Variants in LCOR observed in about 807,000 individuals in gnomAD.
LCOR encodes the protein ligand dependent nuclear receptor corepressor, also known as ligand-dependent corepressor.
Under a neutral mutation model 64.4 loss-of-function variants are expected in LCOR, and 14 were observed. The ratio of observed to expected loss-of-function variants is 0.22; its 90% CI spans 0.14 to 0.34. LCOR has a LOEUF of 0.34. LCOR is among the 10% of genes least tolerant of loss of function. LCOR has a pLI of 1.00. For synonymous variants in LCOR, 643 were observed against 642.5 expected, an observed-to-expected ratio of 1.00 and a Z score of -0.01; for missense variants, 1,686 against 1,765.3, an observed-to-expected ratio of 0.96 and a Z score of 0.80.
At chr10:96,952,080 G>C in intron 6 of LCOR, 23 bp from the exon 7 acceptor site, 1 of 1,558,750 alleles carries the variant, frequency 6.4e-7, no homozygotes, top group Admixed American at 1.7e-5. Flanking sequence ...AATATCCTCA[G>C]GTGTTTCTTT....
intron 2 of LCOR, among the ~76,000 whole-genome samples, chr10:96,860,628 G>T (rs1845873190): frequency 6.6e-6 from 1 of 152,140 alleles, no homozygotes; most frequent in Non-Finnish European, 1.5e-5. Context: ...ACTATATTTG[G>T]CACATGCTGA....
intron 2 of LCOR, among the ~76,000 whole-genome samples, chr10:96,872,576 T>C (rs1226552991): frequency 6.6e-6 from 1 of 152,104 alleles, no homozygotes; most frequent in Non-Finnish European, 1.5e-5. Context: ...TCCCAGCTAC[T>C]TGGGGGACTG....
Position 96,925,035 on chromosome 10 carries a change from CATTT to C in LCOR, c.-184+17305_-184+17308del, listed in dbSNP as rs996870493. ...CTTTAGTCTAGAATGGTTCCTCAAC[CATTT>C]ATTTATTTATTTATTTTATTTATTT... On this transcript the variant is annotated intron_variant, in intron 4 of 7. Transcript: ENST00000421806. 1.1e-4 allele frequency among the ~76,000 whole-genome samples: 16 copies of C among 151,724 alleles called. No homozygotes were observed. The East Asian group carries it at 1.2e-3, about 11-fold the overall frequency.
intron 2 of LCOR, among the ~76,000 whole-genome samples, chr10:96,888,532 T>TTTTGGTG (rs1441045890): frequency 2.0e-5 from 3 of 152,122 alleles, no homozygotes; most frequent in African/African-American, 7.2e-5. Context: ...TGTAATTTTT[T>TTTTGGTG]TTTGGTGTTA....
chr10:96,834,015 C>T (rs1230368727), intron 2 of LCOR, among the ~76,000 whole-genome samples: 1 of 152,174 alleles, frequency 6.6e-6, no homozygotes, highest in Non-Finnish European at 1.5e-5. Context: ...AGGGTCTGCC[C>T]TTTACAATGT....
At chr10:96,843,355 T>C (rs2134367367) in intron 2 of LCOR, among the ~76,000 whole-genome samples, 1 of 152,140 alleles carries the variant, frequency 6.6e-6, no homozygotes, top group East Asian at 1.9e-4. Context: ...CTTGTCTCGA[T>C]CCCCTGGCCT....
chr10:96,942,407 T>C (rs961469580), intron 4 of LCOR, among the ~76,000 whole-genome samples: 2 of 152,116 alleles, frequency 1.3e-5, no homozygotes, highest in East Asian at 3.8e-4. Context: ...CGTCCAGCTT[T>C]GGCTCGGCAT....
chr10:96,834,680 T>A (rs750329703), intron 2 of LCOR, among the ~76,000 whole-genome samples: 5 of 152,224 alleles, frequency 3.3e-5, no homozygotes, highest in Non-Finnish European at 5.9e-5. Flanking sequence ...CAGGGCTTTT[T>A]AGTCTTTGAA....
intron 2 of LCOR, among the ~76,000 whole-genome samples, chr10:96,885,848 G>C (rs938569923): frequency 2.0e-5 from 3 of 151,944 alleles, no homozygotes; most frequent in East Asian, 1.9e-4. Context: ...TGTTAAAAAG[G>C]GTGCCCCGTT....
rs200536438 is a variant in LCOR at position 96,990,604 on chromosome 10, T to TTGCTG, written c.*5483_*5487dup. 7.7e-3 allele frequency: 1,181 copies of TTGCTG among 152,440 alleles called. 12 individuals are homozygous for TTGCTG. The highest frequency in any genetic ancestry group is 0.017 in the Admixed American group (262 of 15,290). The allele number at this position is 152,440 out of a possible 1,614,324, so 9.4% of individuals were successfully genotyped here. A position where few individuals can be genotyped will look rare whatever the true frequency, so the allele number is the denominator to read the frequency against. ...GCAGAAACTCAGAGCTCTCAGGGCT[T>TTGCTG]TGCTGTGCTGTGCTGTGTCATGCCG... On this transcript the variant is annotated 3_prime_UTR_variant, in exon 8 of 8. Transcript: ENST00000421806.
chr10:96,856,093 C>T lies in LCOR; in HGVS notation c.-330+22614C>T, dbSNP rs181799292. The stretch of plus-strand genomic sequence containing the variant: ...TTATTTATTTAGTTTTTTTTTGAGA[C>T]GGAGTCTCGCTCTGTTGCCCAGGCT... On this transcript the variant is annotated intron_variant, in intron 2 of 7. Coordinates refer to ENST00000421806, the MANE Select transcript of LCOR (RefSeq NM_001346516.2). Among the ~76,000 whole-genome samples the T allele has an allele frequency of 3.4e-3, 509 of 151,002 alleles. 3 individuals are homozygous for T. Among genetic ancestry groups the T allele is most frequent in the African/African-American group, 0.012 (488 of 40,972 alleles).
chr10:96,863,230 G>T (rs1191289839), intron 2 of LCOR, among the ~76,000 whole-genome samples: 1 of 133,792 alleles, frequency 7.5e-6, no homozygotes, highest in African/African-American at 2.9e-5. Flanking sequence ...TTGTGATGGA[G>T]TCTCACTCTG....
At chr10:96,898,936 A>G (rs1204714915) in intron 2 of LCOR, among the ~76,000 whole-genome samples, 1 of 152,198 alleles carries the variant, frequency 6.6e-6, no homozygotes, top group Non-Finnish European at 1.5e-5. Flanking sequence ...TGGAAAAGAG[A>G]GAACAGATTG....
rs1226422744 is a variant in LCOR, at chr10:96,987,902, G to C, written c.*2768G>C. 2 of 152,224 alleles carry C rather than the reference G, an allele frequency of 1.3e-5. No homozygotes were observed. Among genetic ancestry groups the C allele is most frequent in the Non-Finnish European group, 2.9e-5 (2 of 68,064 alleles). The allele number at this position is 152,224 out of a possible 1,614,324, so 9.4% of individuals were successfully genotyped here. A position where few individuals can be genotyped will look rare whatever the true frequency, so the allele number is the denominator to read the frequency against. On this transcript the variant is annotated 3_prime_UTR_variant, in exon 8 of 8. Coordinates refer to ENST00000421806, the MANE Select transcript of LCOR (RefSeq NM_001346516.2). ...TCTTCCCAGAGCCATCTTCAAGAAT[G>C]GCTTACCACACCAGATGCAAAAGCA...
chr10:96,836,794 G>T (rs559377924), intron 2 of LCOR, among the ~76,000 whole-genome samples: 2 of 152,350 alleles, frequency 1.3e-5, no homozygotes, highest in East Asian at 3.9e-4. Flanking sequence ...TTAAACTGCA[G>T]TTCATGATTA....
At chr10:96,957,241 C>A in intron 7 of LCOR, 1 of 984,856 alleles carries the variant, frequency 1.0e-6, no homozygotes, top group Non-Finnish European at 1.2e-6. Flanking sequence ...ATAATACCCC[C>A]CTTCTTGACT....
intron 4 of LCOR, among the ~76,000 whole-genome samples, chr10:96,934,356 A>G (rs746924978): frequency 7.2e-5 from 11 of 152,056 alleles, no homozygotes; most frequent in Non-Finnish European, 1.5e-4. Flanking sequence ...TCCCTCCCTC[A>G]TTTTTTCAGT....
At chr10:96,860,449 G>A (rs1272124828) in intron 2 of LCOR, among the ~76,000 whole-genome samples, 2 of 152,214 alleles carry the variant, frequency 1.3e-5, no homozygotes, top group African/African-American at 4.8e-5. Flanking sequence ...GGCAACCACC[G>A]GAAGCTAGGA....
chr10:96,937,282 T>G (rs1335033505), intron 4 of LCOR, among the ~76,000 whole-genome samples: 1 of 152,218 alleles, frequency 6.6e-6, no homozygotes, highest in African/African-American at 2.4e-5. Context: ...GGAAGGACTC[T>G]TCTCTAGACC....
Sources: allele counts gnomAD v4.1 joint callset (sites outside exome capture counted in the v4.1 genomes callset), GRCh38; gene constraint gnomAD v4.1.1; transcripts MANE v1.5; gene names NCBI Gene and HGNC (gene_info 2026-07-23, HGNC 2026-07-21).